Variants in DPP10 observed in about 807,000 individuals in gnomAD.
DPP10 encodes dipeptidyl peptidase like 10.
A neutral mutation model predicts 120.9 loss-of-function variants in DPP10; 33 were observed. The ratio of observed to expected loss-of-function variants is 0.27; its 90% CI spans 0.21 to 0.37. The LOEUF (loss-of-function observed/expected upper bound fraction) is 0.37. Ranked by LOEUF, DPP10 falls within the 10% of genes least tolerant of loss-of-function variation. The probability of loss-of-function intolerance (pLI) is 1.00; values close to 1 mark genes in which losing one functional copy is unlikely to be tolerated. For synonymous variants in DPP10, 337 were observed against 326.1 expected (o/e 1.03, Z -0.36); for missense variants, 816 against 942.8 (o/e 0.87, Z 1.76).
At chr2:114,830,710 A>G (rs1360164559) in intron 1 of DPP10, among the ~76,000 whole-genome samples, 3 of 152,122 alleles carry the variant, frequency 2.0e-5, no homozygotes, top group Non-Finnish European at 1.5e-5. Flanking sequence ...ATTTTTCTAT[A>G]TATCTGCCAT....
chr2:115,254,124 C>G (rs1017832398), intron 1 of DPP10, among the ~76,000 whole-genome samples: 2 of 152,184 alleles, frequency 1.3e-5, no homozygotes, highest in African/African-American at 4.8e-5. Context: ...TAAAGACATA[C>G]CTGAGACTGG....
chr2:114,645,799 A>T (rs1325616800), intron 1 of DPP10, among the ~76,000 whole-genome samples: 1 of 152,130 alleles, frequency 6.6e-6, no homozygotes, highest in South Asian at 2.1e-4. Context: ...TCTAACTTGT[A>T]TGGCACCTGG....
intron 1 of DPP10, among the ~76,000 whole-genome samples, chr2:115,213,081 T>C (rs1227970105): frequency 6.6e-6 from 1 of 152,150 alleles, no homozygotes; most frequent in Non-Finnish European, 1.5e-5. Context: ...GGCTATAACA[T>C]GTACATTTGA....
intron 1 of DPP10, among the ~76,000 whole-genome samples, chr2:115,133,178 G>GTTTT (rs547453162): frequency 3.2e-5 from 2 of 61,650 alleles, no homozygotes; most frequent in African/African-American, 1.4e-4. Context: ...TATATATATA[G>GTTTT]TTTTTTTTTT....
chr2:115,441,667 T>A (rs1275562403), intron 3 of DPP10, among the ~76,000 whole-genome samples: 2 of 152,114 alleles, frequency 1.3e-5, no homozygotes, highest in Non-Finnish European at 2.9e-5. Context: ...GGGCTCTGAG[T>A]TTCTCAAATC....
intron 1 of DPP10, among the ~76,000 whole-genome samples, chr2:114,907,050 T>A (rs1284072493): frequency 6.6e-6 from 1 of 152,146 alleles, no homozygotes; most frequent in African/African-American, 2.4e-5. Flanking sequence ...CTTGAATCAG[T>A]CTTGGTAGTT....
At chr2:115,557,028 G>A (rs10189544) in intron 5 of DPP10, among the ~76,000 whole-genome samples, 147,527 of 152,272 alleles carry the variant, frequency 0.97, 71,640 homozygotes, top group East Asian at 1. Flanking sequence ...CATTTCTGCT[G>A]GCTAAATCAA....
At chr2:114,700,528 T>C (rs10194160) in intron 1 of DPP10, among the ~76,000 whole-genome samples, 1,562 of 152,216 alleles carry the variant, frequency 0.01, 21 homozygotes, top group African/African-American at 0.036. Context: ...GGTTCTTACT[T>C]CTCTTCTATT....
At chr2:114,888,205 G>A (rs1300942273) in intron 1 of DPP10, among the ~76,000 whole-genome samples, 1 of 150,320 alleles carries the variant, frequency 6.7e-6, no homozygotes, top group Non-Finnish European at 1.5e-5. Context: ...TGTATTAGAA[G>A]ACACCAATGC....
intron 19 of DPP10, among the ~76,000 whole-genome samples, chr2:115,795,489 C>G (rs1223583940): frequency 6.6e-6 from 1 of 152,124 alleles, no homozygotes; most frequent in Non-Finnish European, 1.5e-5. Context: ...TCTTATCTTC[C>G]TGGAGCTTTC....
chr2:115,661,474 C>T lies in DPP10; in HGVS notation c.442-28213C>T, dbSNP rs146541693. On this transcript the variant is annotated intron_variant, in intron 5 of 25. Coordinates refer to ENST00000410059, the MANE Select transcript of DPP10 (RefSeq NM_020868.6). ...TTCTAAGTTTTGTTAGGTGAATGGT[C>T]ACAGGATATTTTGTTTTCGCTGGCA... Among the ~76,000 whole-genome samples the T allele has an allele frequency of 5.5e-4, 84 of 152,262 alleles. 1 individual carries two copies. Among genetic ancestry groups the T allele is most frequent in the African/African-American group, 2.0e-3 (83 of 41,558 alleles).
chr2:115,733,334 A>G (rs757376546), intron 8 of DPP10, among the ~76,000 whole-genome samples: 1 of 152,166 alleles, frequency 6.6e-6, no homozygotes, highest in Non-Finnish European at 1.5e-5. Context: ...AGTGTCATCT[A>G]TGGGGCTGCA....
chr2:115,515,605 C>A (rs933856911), intron 4 of DPP10, among the ~76,000 whole-genome samples: 10 of 152,018 alleles, frequency 6.6e-5, no homozygotes, highest in African/African-American at 2.2e-4. Context: ...CTTAATCTAA[C>A]TGGAATTATT....
chr2:115,173,357 A>G (rs1045484369), intron 1 of DPP10, among the ~76,000 whole-genome samples: 1 of 152,152 alleles, frequency 6.6e-6, no homozygotes, highest in African/African-American at 2.4e-5. Context: ...AAAACACAGG[A>G]CAAAGCCATC....
chr2:114,537,602 A>G (rs778359927), intron 1 of DPP10, among the ~76,000 whole-genome samples: 1 of 152,176 alleles, frequency 6.6e-6, no homozygotes, highest in Non-Finnish European at 1.5e-5. Context: ...CAATGCATCA[A>G]TTGTTCTCAA....
intron 1 of DPP10, among the ~76,000 whole-genome samples, chr2:114,722,402 A>G (rs1701753010): frequency 6.6e-6 from 1 of 152,184 alleles, no homozygotes; most frequent in Non-Finnish European, 1.5e-5. Context: ...CTTTTTTTAA[A>G]GAGGAGTTCT....
chr2:114,532,234 G>A (rs1307247530), intron 1 of DPP10, among the ~76,000 whole-genome samples: 1 of 136,028 alleles, frequency 7.4e-6, no homozygotes, highest in African/African-American at 2.9e-5. Context: ...AACTGCACGA[G>A]CCAATTCCCA....
intron 4 of DPP10, among the ~76,000 whole-genome samples, chr2:115,513,019 T>G (rs1382948945): frequency 6.6e-6 from 1 of 152,068 alleles, no homozygotes; most frequent in African/African-American, 2.4e-5. Flanking sequence ...TATTTTCCCT[T>G]TCAATTCTAT....
At chr2:114,561,213 T>G (rs1306807783) in intron 1 of DPP10, among the ~76,000 whole-genome samples, 1 of 152,212 alleles carries the variant, frequency 6.6e-6, no homozygotes, top group Non-Finnish European at 1.5e-5. Flanking sequence ...AGATTACTAG[T>G]TCAGTTGGTT....
Sources: gnomAD v4.1 joint callset for allele counts (sites outside exome capture counted in the v4.1 genomes callset) on GRCh38, gnomAD v4.1.1 for gene constraint, MANE v1.5 for transcripts, NCBI Gene and HGNC (gene_info 2026-07-23, HGNC 2026-07-21) for gene names.